TRIM45: variants seen among roughly 807,000 people sequenced by gnomAD.
The protein encoded by TRIM45 is tripartite motif containing 45, also known as E3 ubiquitin-protein ligase TRIM45.
A neutral mutation model predicts 46.7 loss-of-function variants in TRIM45; 45 were observed. The ratio of observed to expected loss-of-function variants is 0.96; its 90% CI spans 0.76 to 1.24. The LOEUF is 1.24. Among genes scored for constraint, TRIM45 ranks in the 50% most tolerant of loss-of-function variants. The pLI is 0.00. For missense variants in TRIM45, 680 were observed against 728.4 expected, an observed-to-expected ratio of 0.93 and a Z score of 0.77; for synonymous variants, 259 against 285.8, an observed-to-expected ratio of 0.91 and a Z score of 0.94.
At chr1:117,121,939 G>A (rs1650659596), upstream of TRIM45, 1 of 682,542 alleles carries the variant, frequency 1.5e-6, no homozygotes, top group Non-Finnish European at 2.7e-6. The surrounding 1 kb of genome is among the most constrained non-coding windows in gnomAD (Gnocchi z 4.2). Flanking sequence ...GGCCGTGGGC[G>A]GGGCGGCCGA....
chr1:117,118,903 C>T lies in TRIM45; in HGVS notation c.489-136G>A. On this transcript the variant is annotated intron_variant, in intron 1 of 5. Coordinates refer to ENST00000256649, the MANE Select transcript of TRIM45 (RefSeq NM_025188.4). The surrounding 1 kb of genome is among the most constrained non-coding windows in gnomAD (Gnocchi z 5.7). Reference sequence around the variant, plus strand: ...AATTCCTTGCTCTAATCTCTAATTGCATGAACCTCTCTGATTCCAGTTTCT... The same window carrying T: ...AATTCCTTGCTCTAATCTCTAATTGTATGAACCTCTCTGATTCCAGTTTCT... 6.9e-6 allele frequency: 8 copies of T among 1,159,200 alleles called. No homozygotes were observed. The highest frequency in any genetic ancestry group is 9.6e-6 in the Non-Finnish European group (8 of 829,164). The allele number at this position is 1,159,200 out of a possible 1,614,324, so 71.8% of individuals were successfully genotyped here.
chr1:117,120,467 T>G (rs550981675), intron 1 of TRIM45, among the ~76,000 whole-genome samples: 24 of 152,380 alleles, frequency 1.6e-4, no homozygotes, highest in Non-Finnish European at 3.1e-4. Context: ...AAGGAAACTG[T>G]AGCTGCACTT....
rs1401003007 is a variant in TRIM45 at position 117,116,187 on chromosome 1, A to G, written c.1352+429T>C. On this transcript the variant is annotated intron_variant, in intron 3 of 5. Coordinates refer to ENST00000256649, the MANE Select transcript of TRIM45 (RefSeq NM_025188.4). This position sits in a 1 kb window ranked among gnomAD's most constrained non-coding sequence, Gnocchi z 4.6. ...AACACATTTGGTCACGTAACGTTTC[A>G]TAGTATTATGGGGAGGTAAGACGTA... Among the ~76,000 whole-genome samples, 1 of 152,178 alleles carries G rather than the reference A, an allele frequency of 6.6e-6. No individual in the cohort carries two copies. Among genetic ancestry groups the G allele is most frequent in the Non-Finnish European group, 1.5e-5 (1 of 68,024 alleles).
chr1:117,121,475 C>CT lies in TRIM45; in HGVS notation c.-275dup. ...GCCCCGCAAGTCCTCCCCGGATGCG[C>CT]TTCCAGGTCTAGCTCTCCAGCTAGT... On this transcript the variant is annotated 5_prime_UTR_variant, in exon 1 of 6. Transcript: ENST00000256649. This position sits in a 1 kb window ranked among gnomAD's most constrained non-coding sequence, Gnocchi z 4.2. 2 of 516,926 alleles carry CT rather than the reference C, an allele frequency of 3.9e-6. No individual in the cohort carries two copies. Among genetic ancestry groups the CT allele is most frequent in the South Asian group, 6.1e-5 (2 of 32,888 alleles). 32.0% of individuals were successfully genotyped at this position (516,926 alleles called of 1,614,324 possible).
In TRIM45 at chr1:117,117,918, C is replaced by T; in HGVS notation, c.1222+116G>A. 1 of 1,375,432 alleles carries T rather than the reference C, an allele frequency of 7.3e-7. No homozygotes were observed. The highest frequency in any genetic ancestry group is 1.4e-5 in the South Asian group (1 of 71,798). The allele number at this position is 1,375,432 out of a possible 1,614,324, so 85.2% of individuals were successfully genotyped here. A position where few individuals can be genotyped will look rare whatever the true frequency, so the allele number is the denominator to read the frequency against. Reference sequence around the variant, plus strand: ...CTGTCTTTCAGATCAGTTTATCTCCCCACCTTTGGTAACCTGGTCAGTAGG... The same window carrying T: ...CTGTCTTTCAGATCAGTTTATCTCCTCACCTTTGGTAACCTGGTCAGTAGG... On this transcript the variant is annotated intron_variant, in intron 2 of 5. Coordinates refer to ENST00000256649, the MANE Select transcript of TRIM45 (RefSeq NM_025188.4). This position sits in a 1 kb window ranked among gnomAD's most constrained non-coding sequence, Gnocchi z 4.9.
intron 4 of TRIM45, among the ~76,000 whole-genome samples, chr1:117,114,407 G>C (rs1650326526): frequency 6.6e-6 from 1 of 152,126 alleles, no homozygotes; most frequent in African/African-American, 2.4e-5. Flanking sequence ...TGAGCTCCTG[G>C]GCTCAGGCAA....
rs1450018900 is a variant in TRIM45 at position 117,121,128 on chromosome 1, C to G, written c.74G>C (p.Gly25Ala). The change falls in exon 1 of 6, where the codon GGC becomes GCC. Residue 25 changes from glycine to alanine, a missense_variant. Coordinates refer to ENST00000256649, the MANE Select transcript of TRIM45 (RefSeq NM_025188.4). This position sits in a 1 kb window ranked among gnomAD's most constrained non-coding sequence, Gnocchi z 4.2. Reference protein sequence around the residue: ...LTSGTALGNSGKTHCPLCLGL... With the variant: ...LTSGTALGNSAKTHCPLCLGL... ...CAAGCACAGGGGGCAGTGAGTCTTGCCTGAGTTCCCAAGTGCAGTCCCACT... is the reference window on the plus strand; with the variant it reads ...CAAGCACAGGGGGCAGTGAGTCTTGGCTGAGTTCCCAAGTGCAGTCCCACT... 4 of 1,611,038 alleles carry G rather than the reference C, an allele frequency of 2.5e-6. No individual in the cohort carries two copies. The highest frequency in any genetic ancestry group is 3.4e-6 in the Non-Finnish European group (4 of 1,178,594).
At chr1:117,122,111 C>A, upstream of TRIM45, 1 of 352,286 alleles carries the variant, frequency 2.8e-6, no homozygotes, top group Non-Finnish European at 5.1e-6. Context: ...GGACGGCCTT[C>A]TTTCTGCCCT....
rs970626384 is a variant in TRIM45, at chr1:117,115,401, A to G, written c.1467+174T>C. 6.6e-6 allele frequency among the ~76,000 whole-genome samples: 1 copy of G among 152,214 alleles called. No individual in the cohort carries two copies. The highest frequency in any genetic ancestry group is 2.4e-5 in the African/African-American group (1 of 41,458). On this transcript the variant is annotated intron_variant, in intron 4 of 5. Coordinates refer to ENST00000256649, the MANE Select transcript of TRIM45 (RefSeq NM_025188.4). The surrounding 1 kb of genome is among the most constrained non-coding windows in gnomAD (Gnocchi z 4.2). Reference sequence around the variant, plus strand: ...CAGGGATACAGGGTTCTTATGGTCAACAGCATCCTCCAGGAAGAATAAGAG... The same window carrying G: ...CAGGGATACAGGGTTCTTATGGTCAGCAGCATCCTCCAGGAAGAATAAGAG...
At position 117,112,207 on chromosome 1, in the gene TRIM45, T is replaced by A; in HGVS notation, c.*98A>T. ...CAGTGCAAGATAAGGCACTTTGTTTTTAATTCTATCAGTCTCTTTAGAATG... is the reference window on the plus strand; with the variant it reads ...CAGTGCAAGATAAGGCACTTTGTTTATAATTCTATCAGTCTCTTTAGAATG... On this transcript the variant is annotated 3_prime_UTR_variant, in exon 6 of 6. Coordinates refer to ENST00000256649, the MANE Select transcript of TRIM45 (RefSeq NM_025188.4). The A allele has an allele frequency of 7.9e-7, 1 of 1,264,324 alleles. No homozygotes were observed. Among genetic ancestry groups the A allele is most frequent in the Non-Finnish European group, 1.0e-6 (1 of 975,480 alleles). 78.3% of individuals were successfully genotyped at this position (1,264,324 alleles called of 1,614,324 possible). A position where few individuals can be genotyped will look rare whatever the true frequency, so the allele number is the denominator to read the frequency against.
At chr1:117,121,963 C>T (rs1430727374), upstream of TRIM45, 17 of 619,308 alleles carry the variant, frequency 2.7e-5, no homozygotes, top group South Asian at 2.8e-4. This position sits in a 1 kb window ranked among gnomAD's most constrained non-coding sequence, Gnocchi z 4.2. Context: ...GCTTAGAGTG[C>T]GGCGGGAGGA....
At position 117,120,966 on chromosome 1, in the gene TRIM45, T is replaced by C; in HGVS notation, c.236A>G (p.Gln79Arg). The C allele has an allele frequency of 6.2e-7, 1 of 1,614,240 alleles. No homozygotes were observed. The highest frequency in any genetic ancestry group is 8.5e-7 in the Non-Finnish European group (1 of 1,180,042). The change falls in exon 1 of 6, where the codon CAG becomes CGG. Residue 79 changes from glutamine (Q) to arginine (R), a missense_variant. Gln to Arg is a conservative substitution (Grantham distance 43). Transcript: ENST00000256649. The part of the protein sequence containing the change: ...SDTSSEGSIF[Q>R]ELKPRSLQSQ... ...CTGCAGACTTCGTGGCTTGAGTTCC[T>C]GGAATATTGACCCCTCAGAGCTTGT...
upstream of TRIM45, chr1:117,121,993 G>C: frequency 1.7e-6 from 1 of 597,598 alleles, no homozygotes; most frequent in Non-Finnish European, 3.0e-6. The surrounding 1 kb of genome is among the most constrained non-coding windows in gnomAD (Gnocchi z 4.2). Flanking sequence ...GGCTCGGAGC[G>C]AGCGGCATAG....
upstream of TRIM45, among the ~76,000 whole-genome samples, chr1:117,123,105 A>G (rs1488664628): frequency 6.6e-6 from 1 of 152,218 alleles, no homozygotes; most frequent in African/African-American, 2.4e-5. Context: ...CCAAAATATA[A>G]CACGCCAATG....
rs961074241 is a variant in TRIM45 at position 117,116,400 on chromosome 1, AT to A, written c.1352+215del. Among the ~76,000 whole-genome samples, 238 of 145,164 alleles carry A rather than the reference AT, an allele frequency of 1.6e-3. No homozygotes were observed. The highest frequency in any genetic ancestry group is 7.1e-3 in the Middle Eastern group (2 of 282). On this transcript the variant is annotated intron_variant, in intron 3 of 5. Transcript: ENST00000256649. This position sits in a 1 kb window ranked among gnomAD's most constrained non-coding sequence, Gnocchi z 4.6. Reference sequence around the variant, plus strand: ...AGGCATATGCCTCCACTCCCGGCTAATTTTTTTTTTTTTAATTTTGTAGAGA... The same window carrying A: ...AGGCATATGCCTCCACTCCCGGCTAATTTTTTTTTTTTAATTTTGTAGAGA...
chr1:117,121,483 T>G lies in TRIM45; in HGVS notation c.-282A>C. ...AGTCCTCCCCGGATGCGCTTCCAGGTCTAGCTCTCCAGCTAGTCCTGCTGC... is the reference window on the plus strand; with the variant it reads ...AGTCCTCCCCGGATGCGCTTCCAGGGCTAGCTCTCCAGCTAGTCCTGCTGC... On this transcript the variant is annotated 5_prime_UTR_variant, in exon 1 of 6. Transcript: ENST00000256649. This position sits in a 1 kb window ranked among gnomAD's most constrained non-coding sequence, Gnocchi z 4.2. 2 of 520,170 alleles carry G rather than the reference T, an allele frequency of 3.8e-6. No homozygotes were observed. Among genetic ancestry groups the G allele is most frequent in the South Asian group, 2.9e-5 (1 of 34,424 alleles). 32.2% of individuals were successfully genotyped at this position (520,170 alleles called of 1,614,324 possible).
At chr1:117,122,893 T>G (rs879893402), upstream of TRIM45, among the ~76,000 whole-genome samples, 3 of 152,176 alleles carry the variant, frequency 2.0e-5, no homozygotes, top group Non-Finnish European at 4.4e-5. Context: ...ACTGCTTTCT[T>G]TGTTCATGAC....
intron 1 of TRIM45, among the ~76,000 whole-genome samples, chr1:117,119,090 G>A (rs1650523534): frequency 6.6e-6 from 1 of 152,238 alleles, no homozygotes; most frequent in Non-Finnish European, 1.5e-5. Flanking sequence ...GTCACAGTCG[G>A]CTTCCTAAGG....
rs775047066 is a variant in TRIM45 at position 117,118,536 on chromosome 1, C to T, written c.720G>A (p.Glu240=). 1.9e-6 allele frequency: 3 copies of T among 1,614,224 alleles called. No homozygotes were observed. Among genetic ancestry groups the T allele is most frequent in the East Asian group, 2.2e-5 (1 of 44,888 alleles). Residue 240 remains glutamate, a synonymous_variant, in exon 2 of 6, where the codon GAG becomes GAA. Transcript: ENST00000256649. This position sits in a 1 kb window ranked among gnomAD's most constrained non-coding sequence, Gnocchi z 5.7. ...VIHKHGDSVW[E]LLKGTQPHVE... ...CGTGGGGCTGAGTACCTTTGAGGAG[C>T]TCCCACACAGAGTCCCCATGCTTGT... is the stretch of plus-strand genomic sequence containing the variant.
Sources: gnomAD v4.1 joint callset for allele counts (sites outside exome capture counted in the v4.1 genomes callset) on GRCh38, gnomAD v4.1.1 for gene constraint, Gnocchi (gnomAD v3.1) non-coding constraint, MANE v1.5 for transcripts, NCBI Gene and HGNC (gene_info 2026-07-23, HGNC 2026-07-21) for gene names.